FSHR: variants seen among roughly 807,000 people sequenced by gnomAD.
FSHR encodes follicle-stimulating hormone receptor.
A neutral mutation model predicts 52.1 loss-of-function variants in FSHR; 46 were observed. That is an observed-to-expected ratio of 0.88 (90% CI 0.70 to 1.13). The LOEUF (loss-of-function observed/expected upper bound fraction) is 1.13. Among genes scored for constraint, FSHR ranks in the 50% most tolerant of loss-of-function variants. The probability of loss-of-function intolerance (pLI) is 0.00; values close to 1 mark genes in which losing one functional copy is unlikely to be tolerated. For synonymous variants in FSHR, 399 were observed against 309.6 expected (o/e 1.29, Z -3.03); for missense variants, 964 against 834.6 (o/e 1.16, Z -1.91).
chr2:49,021,886 T>TAG (rs58926557), intron 2 of FSHR, among the ~76,000 whole-genome samples: 1,037 of 24,890 alleles, frequency 0.042, 54 homozygotes, highest in Non-Finnish European at 0.062. Context: ...TATATATATA[T>TAG]AGAGAGAGAG....
At chr2:49,059,764 G>A (rs1386674710) in intron 2 of FSHR, 1 of 152,040 alleles carries the variant, frequency 6.6e-6, no homozygotes, top group Non-Finnish European at 1.5e-5. Flanking sequence ...AAAACTGCAA[G>A]AAGAAAACAT....
chr2:49,134,632 A>G lies in FSHR; in HGVS notation c.152+19634T>C, dbSNP rs532141873. Among the ~76,000 whole-genome samples, 3 of 152,354 alleles carry G rather than the reference A, an allele frequency of 2.0e-5. No individual in the cohort carries two copies. In the East Asian group the frequency reaches 5.8e-4, roughly 29 times the overall value. ...CATGCACACATATGTTTATTGTGGC[A>G]CTATTCACAATAGCAAAGACTTGGA... On this transcript the variant is annotated intron_variant, in intron 1 of 9. Transcript: ENST00000406846.
chr2:49,082,655 C>G lies in FSHR; in HGVS notation c.153-14365G>C, dbSNP rs1670219845. Among the ~76,000 whole-genome samples the G allele has an allele frequency of 2.0e-5, 3 of 151,918 alleles. No homozygotes were observed. The South Asian group carries it at 6.2e-4, about 32-fold the overall frequency. On this transcript the variant is annotated intron_variant, in intron 1 of 9. Transcript: ENST00000406846. ...CAATACAGAGAAGTGCTTAAAGGAGCTGATGGAGCTGAAAACCAAGGCTCA... is the reference window on the plus strand; with the variant it reads ...CAATACAGAGAAGTGCTTAAAGGAGGTGATGGAGCTGAAAACCAAGGCTCA...
intron 2 of FSHR, among the ~76,000 whole-genome samples, chr2:49,062,582 A>C (rs1184589074): frequency 1.3e-5 from 2 of 152,066 alleles, no homozygotes; most frequent in Admixed American, 1.3e-4. Context: ...ATGTTAAATT[A>C]AAAAGCATCT....
chr2:49,076,157 T>C (rs986967473), intron 1 of FSHR, among the ~76,000 whole-genome samples: 7 of 152,190 alleles, frequency 4.6e-5, no homozygotes, highest in Admixed American at 4.6e-4. Flanking sequence ...ATCCCAATCT[T>C]ATATAAACTA....
chr2:49,114,546 A>C (rs1671533539), intron 1 of FSHR, among the ~76,000 whole-genome samples: 2 of 152,336 alleles, frequency 1.3e-5, no homozygotes, highest in East Asian at 3.9e-4. Context: ...AACCTTGAGT[A>C]AGTGAACTAC....
At chr2:49,039,404 C>T (rs970133741) in intron 2 of FSHR, among the ~76,000 whole-genome samples, 28 of 152,320 alleles carry the variant, frequency 1.8e-4, no homozygotes, top group African/African-American at 6.5e-4. Context: ...GAGAAGTCTC[C>T]ACCTGCTGCA....
chr2:49,008,265 G>C (rs1281840783), intron 4 of FSHR, among the ~76,000 whole-genome samples: 1 of 131,510 alleles, frequency 7.6e-6, no homozygotes, highest in Non-Finnish European at 1.6e-5. Flanking sequence ...CTATGAGTGA[G>C]AATATGCGGT....
intron 1 of FSHR, among the ~76,000 whole-genome samples, chr2:49,087,653 A>T (rs1670449614): frequency 1.3e-5 from 2 of 152,238 alleles, no homozygotes; most frequent in African/African-American, 4.8e-5. Flanking sequence ...GGTAAAAAAG[A>T]AACAGTCCTT....
chr2:49,062,176 C>G, intron 2 of FSHR, among the ~76,000 whole-genome samples: 1 of 152,020 alleles, frequency 6.6e-6, no homozygotes, highest in East Asian at 1.9e-4. Context: ...TAAAAATATA[C>G]TACAAAGCTA....
At chr2:49,133,598 C>A (rs1672374626) in intron 1 of FSHR, among the ~76,000 whole-genome samples, 1 of 152,238 alleles carries the variant, frequency 6.6e-6, no homozygotes, top group African/African-American at 2.4e-5. Context: ...CAAAAAAGAG[C>A]CCTCATTGCC....
chr2:49,153,724 C>T (rs528355853), intron 1 of FSHR, among the ~76,000 whole-genome samples: 2 of 152,156 alleles, frequency 1.3e-5, no homozygotes, highest in East Asian at 3.9e-4. Flanking sequence ...TCCTATCTTT[C>T]TTTCTTTCTT....
intron 2 of FSHR, among the ~76,000 whole-genome samples, chr2:49,022,345 C>G (rs572123464): frequency 6.6e-6 from 1 of 152,204 alleles, no homozygotes; most frequent in African/African-American, 2.4e-5. Flanking sequence ...ATTTGACGGT[C>G]TCAACTTCAA....
intron 4 of FSHR, among the ~76,000 whole-genome samples, chr2:49,007,127 C>T (rs970421805): frequency 6.6e-6 from 1 of 152,084 alleles, no homozygotes; most frequent in African/African-American, 2.4e-5. Context: ...GGCCTTTCCA[C>T]CATGCACATG....
intron 2 of FSHR, among the ~76,000 whole-genome samples, chr2:49,058,149 T>C (rs1669136454): frequency 6.6e-6 from 1 of 152,194 alleles, no homozygotes. Flanking sequence ...TGTAACATAG[T>C]ATTGAAAGTT....
Position 49,154,250 on chromosome 2 carries a change from T to C in FSHR, c.152+16A>G. 6.2e-7 allele frequency: 1 copy of C among 1,613,126 alleles called. No individual in the cohort carries two copies. The highest frequency in any genetic ancestry group is 8.5e-7 in the Non-Finnish European group (1 of 1,179,282). On this transcript the variant is annotated intron_variant, in intron 1 of 9. Transcript: ENST00000406846. ...ATGCCAGCCATGCAGTTGTTCCCCCTCCCTCTGATACTCACAGTTCAATGG... is the reference window on the plus strand; with the variant it reads ...ATGCCAGCCATGCAGTTGTTCCCCCCCCCTCTGATACTCACAGTTCAATGG...
At chr2:49,131,366 G>C (rs1672255423) in intron 1 of FSHR, among the ~76,000 whole-genome samples, 1 of 152,122 alleles carries the variant, frequency 6.6e-6, no homozygotes, top group Non-Finnish European at 1.5e-5. Flanking sequence ...CAGAAACATA[G>C]GATGTTGAAT....
At chr2:49,153,832 T>C (rs1673147582) in intron 1 of FSHR, among the ~76,000 whole-genome samples, 2 of 152,170 alleles carry the variant, frequency 1.3e-5, no homozygotes. Context: ...ACAAAGACTA[T>C]GGCCTTTTAG....
chr2:49,127,886 CT>C (rs1558457041), intron 1 of FSHR, among the ~76,000 whole-genome samples: 1 of 34,016 alleles, frequency 2.9e-5, no homozygotes, highest in East Asian at 1.6e-3. Flanking sequence ...TCTTCTTCTT[CT>C]TCTTCTTCTT....
Sources: gnomAD v4.1 joint callset for allele counts (sites outside exome capture counted in the v4.1 genomes callset) on GRCh38, gnomAD v4.1.1 for gene constraint, MANE v1.5 for transcripts, NCBI Gene and HGNC (gene_info 2026-07-23, HGNC 2026-07-21) for gene names.